Variants in TMPRSS11E observed in about 807,000 individuals in gnomAD.
TMPRSS11E encodes transmembrane protease serine 11E.
In TMPRSS11E, 38 loss-of-function variants were observed where a neutral mutation model predicts 48.1. The observed-to-expected ratio is 0.79, with a 90% CI of 0.61 to 1.04. The LOEUF is 1.04. Among genes scored for constraint, TMPRSS11E ranks in the 50% least tolerant of loss-of-function variants. TMPRSS11E has a pLI of 0.00. For missense variants in TMPRSS11E, 530 were observed against 510.8 expected (o/e 1.04, Z -0.36); for synonymous variants, 158 against 171.9 (o/e 0.92, Z 0.63).
At chr4:68,476,239 A>AC (rs748177790) in intron 6 of TMPRSS11E, 22 bp from the exon 7 acceptor site, 55 of 1,613,000 alleles carry the variant, frequency 3.4e-5, no homozygotes, top group Middle Eastern at 1.8e-4. Flanking sequence ...CCACCAATGC[A>AC]CCCCCCCTCT....
intron 9 of TMPRSS11E, among the ~76,000 whole-genome samples, chr4:68,490,698 G>A (rs1729690889): frequency 6.6e-6 from 1 of 151,056 alleles, no homozygotes; most frequent in Non-Finnish European, 1.5e-5. Flanking sequence ...AGTAGATGGG[G>A]AGAGTTATTC....
chr4:68,468,947 G>A lies in TMPRSS11E; in HGVS notation c.326+1G>A. On this transcript the variant is annotated splice_donor_variant, in intron 4 of 9. Coordinates refer to ENST00000305363, the MANE Select transcript of TMPRSS11E (RefSeq NM_014058.4). LOFTEE classifies it high-confidence loss of function. ...TCAAGTCTCAGGTTATCAAGTTCAG[G>A]TATGTAAATCTGAATTGCTGACTTC... 1 of 1,606,888 alleles carries A rather than the reference G, an allele frequency of 6.2e-7. No homozygotes were observed. The highest frequency in any genetic ancestry group is 1.3e-5 in the African/African-American group (1 of 74,814).
At chr4:68,492,507 G>A (rs1344341581) in intron 9 of TMPRSS11E, among the ~76,000 whole-genome samples, 1 of 152,130 alleles carries the variant, frequency 6.6e-6, no homozygotes, top group Non-Finnish European at 1.5e-5. Context: ...CGATTTTGCT[G>A]TTTAAAATAG....
At chr4:68,488,682 G>A (rs1348344452) in intron 9 of TMPRSS11E, among the ~76,000 whole-genome samples, 1 of 145,808 alleles carries the variant, frequency 6.9e-6, no homozygotes, top group African/African-American at 2.5e-5. Flanking sequence ...GGGATTACAG[G>A]GGCCCGCCAC....
In TMPRSS11E at chr4:68,451,612, G is replaced by T. The variant is rs1728499327; in HGVS notation, c.11+4089G>T. Among the ~76,000 whole-genome samples the T allele has an allele frequency of 2.0e-5, 3 of 151,942 alleles. No individual in the cohort carries two copies. The South Asian group carries it at 6.2e-4, about 31-fold the overall frequency. On this transcript the variant is annotated intron_variant, in intron 1 of 9. Coordinates refer to ENST00000305363, the MANE Select transcript of TMPRSS11E (RefSeq NM_014058.4). ...GAAACTGCAAAAGCAGACACAGAGG[G>T]ATTTAGCACTTTGTTTAAAGTTGAA...
intron 4 of TMPRSS11E, among the ~76,000 whole-genome samples, chr4:68,469,429 G>A (rs1041095417): frequency 2.0e-5 from 3 of 151,836 alleles, no homozygotes; most frequent in Non-Finnish European, 2.9e-5. Context: ...AGTACATAAT[G>A]TTAAGGAAAA....
At chr4:68,461,037 T>G (rs533350789) in intron 1 of TMPRSS11E, among the ~76,000 whole-genome samples, 2 of 152,076 alleles carry the variant, frequency 1.3e-5, no homozygotes, top group African/African-American at 4.8e-5. Flanking sequence ...CCTGCCACCA[T>G]GCCCGGCTAA....
At chr4:68,461,492 C>A (rs1041521676) in intron 1 of TMPRSS11E, among the ~76,000 whole-genome samples, 2 of 152,170 alleles carry the variant, frequency 1.3e-5, no homozygotes, top group African/African-American at 4.8e-5. Flanking sequence ...TTTAATATTG[C>A]ACTTTTCTAC....
At chr4:68,467,528 G>A (rs770444931) in intron 3 of TMPRSS11E, among the ~76,000 whole-genome samples, 2 of 152,126 alleles carry the variant, frequency 1.3e-5, no homozygotes, top group Non-Finnish European at 2.9e-5. Flanking sequence ...ATCTCCAATG[G>A]TATCTACTAG....
Position 68,474,711 on chromosome 4 carries a change from T to C in TMPRSS11E, c.491-12T>C, listed in dbSNP as rs759029573. 6 of 1,607,282 alleles carry C rather than the reference T, an allele frequency of 3.7e-6. No individual in the cohort carries two copies. In the South Asian group the frequency reaches 6.7e-5, roughly 18 times the overall value. On this transcript the variant is annotated splice_polypyrimidine_tract_variant and intron_variant, in intron 5 of 9. Transcript: ENST00000305363. The stretch of plus-strand genomic sequence containing the variant: ...ATGTGCTGACCCTATTTGCCATTTC[T>C]GTGTGTTTCAGAAATCAACAAGACA...
intron 5 of TMPRSS11E, among the ~76,000 whole-genome samples, chr4:68,473,567 C>T (rs139629202): frequency 2.6e-4 from 39 of 152,174 alleles, no homozygotes; most frequent in African/African-American, 8.7e-4. Context: ...CACTATAATC[C>T]ATTATCCTAT....
Position 68,478,891 on chromosome 4 carries a change from T to C in TMPRSS11E, c.1010T>C (p.Ile337Thr), listed in dbSNP as rs755615811. 3 of 1,613,944 alleles carry C rather than the reference T, an allele frequency of 1.9e-6. No individual in the cohort carries two copies. Among genetic ancestry groups the C allele is most frequent in the Non-Finnish European group, 2.5e-6 (3 of 1,179,972 alleles). Residue 337 changes from isoleucine (I) to threonine (T), a missense_variant, in exon 9 of 10, where the codon ATA becomes ACA. Transcript: ENST00000305363. Reference protein sequence around the residue: ...NHLRQAQVTLIDATTCNEPQA... With the variant: ...NHLRQAQVTLTDATTCNEPQA... The stretch of plus-strand genomic sequence containing the variant: ...CTTCGACAAGCACAGGTGACTCTCA[T>C]AGACGCTACAACTTGCAATGAACCT...
chr4:68,468,986 G>A (rs1326288115), intron 4 of TMPRSS11E, 40 bp downstream of exon 4: 4 of 1,452,512 alleles, frequency 2.8e-6, no homozygotes, highest in Middle Eastern at 3.5e-4. Flanking sequence ...ATTTAAAGTT[G>A]AAGCTGTTAA....
At chr4:68,468,992 G>A in intron 4 of TMPRSS11E, 46 bp downstream of exon 4, 2 of 1,342,608 alleles carry the variant, frequency 1.5e-6, no homozygotes, top group Non-Finnish European at 2.1e-6. Context: ...AGTTGAAGCT[G>A]TTAATCTGCT....
chr4:68,482,824 C>A (rs556115435), intron 9 of TMPRSS11E, among the ~76,000 whole-genome samples: 3 of 151,976 alleles, frequency 2.0e-5, no homozygotes, highest in South Asian at 4.2e-4. Flanking sequence ...TAAAGCAATT[C>A]CCTTCCACCT....
intron 1 of TMPRSS11E, among the ~76,000 whole-genome samples, chr4:68,450,136 A>G (rs1224052689): frequency 6.6e-6 from 1 of 151,874 alleles, no homozygotes; most frequent in Non-Finnish European, 1.5e-5. Flanking sequence ...CAGAGTTGCT[A>G]TATGGTTGTG....
At position 68,474,762 on chromosome 4, in the gene TMPRSS11E, G is replaced by A; in HGVS notation, c.529+1G>A. The A allele has an allele frequency of 6.9e-6, 11 of 1,597,070 alleles. No homozygotes were observed. The highest frequency in any genetic ancestry group is 8.5e-6 in the Non-Finnish European group (10 of 1,174,712). ...GAAACAGACAGCTATCTAAACCATT[G>A]TAAGTTTAATATATTTATTAAAATA... On this transcript the variant is annotated splice_donor_variant, in intron 6 of 9. Transcript: ENST00000305363. LOFTEE classifies it high-confidence loss of function.
chr4:68,477,043 A>G (rs1729239260), intron 7 of TMPRSS11E, among the ~76,000 whole-genome samples: 1 of 152,094 alleles, frequency 6.6e-6, no homozygotes, highest in Non-Finnish European at 1.5e-5. Context: ...GGGGTACATG[A>G]GACACATAGA....
chr4:68,449,448 A>G (rs895667596), intron 1 of TMPRSS11E, among the ~76,000 whole-genome samples: 3 of 151,698 alleles, frequency 2.0e-5, no homozygotes, highest in African/African-American at 7.2e-5. Flanking sequence ...ATCGACATCC[A>G]CACATATTGA....
Sources: gnomAD v4.1 joint callset for allele counts (sites outside exome capture counted in the v4.1 genomes callset) on GRCh38, gnomAD v4.1.1 for gene constraint, MANE v1.5 for transcripts, NCBI Gene and HGNC (gene_info 2026-07-23, HGNC 2026-07-21) for gene names.